Variants in ITGB5 observed in about 807,000 individuals in gnomAD.
The protein encoded by ITGB5 is integrin subunit beta 5, also known as integrin beta-5.
In ITGB5, 38 loss-of-function variants were observed where a neutral mutation model predicts 84.8. That is an observed-to-expected ratio of 0.45 (90% CI 0.35 to 0.59). ITGB5 has a LOEUF of 0.59. ITGB5 is among the 20% of genes least tolerant of loss of function. The pLI is 0.01. For missense variants in ITGB5, 905 were observed against 1,034.5 expected, an observed-to-expected ratio of 0.87 and a Z score of 1.72; for synonymous variants, 393 against 414.4, an observed-to-expected ratio of 0.95 and a Z score of 0.63.
intron 9 of ITGB5, among the ~76,000 whole-genome samples, chr3:124,801,780 G>A (rs188856333): frequency 5.1e-4 from 77 of 152,300 alleles, no homozygotes; most frequent in Non-Finnish European, 6.9e-4. Flanking sequence ...GGCCAGAATG[G>A]CCAGACCCCT....
chr3:124,806,600 AT>A (rs371932187), intron 9 of ITGB5, among the ~76,000 whole-genome samples: 3 of 150,066 alleles, frequency 2.0e-5, no homozygotes, highest in East Asian at 2.0e-4. Context: ...CTCCCAGCTA[AT>A]TTTTTTTTGT....
intron 12 of ITGB5, among the ~76,000 whole-genome samples, chr3:124,768,000 T>C (rs2063790799): frequency 6.6e-6 from 1 of 151,948 alleles, no homozygotes; most frequent in East Asian, 1.9e-4. Context: ...GCCCAGGAGG[T>C]CGAGACTTCC....
chr3:124,787,186 C>G (rs1291148285), intron 10 of ITGB5, among the ~76,000 whole-genome samples: 3 of 152,200 alleles, frequency 2.0e-5, no homozygotes, highest in South Asian at 4.1e-4. Context: ...TGTTGGCAAA[C>G]TTCTCTTCCT....
chr3:124,861,495 T>TACACACACACAC (rs1553766077), intron 2 of ITGB5, among the ~76,000 whole-genome samples: 1,536 of 111,896 alleles, frequency 0.014, 21 homozygotes, highest in African/African-American at 0.021. Flanking sequence ...TATATATATA[T>TACACACACACAC]ACACACACAC....
intron 5 of ITGB5, among the ~76,000 whole-genome samples, chr3:124,830,022 A>G (rs376510883): frequency 3.9e-5 from 6 of 152,336 alleles, no homozygotes; most frequent in African/African-American, 1.4e-4. Flanking sequence ...CCAGGAGTGA[A>G]GACAGACTCG....
chr3:124,881,115 C>G (rs897696645), intron 1 of ITGB5, among the ~76,000 whole-genome samples: 2 of 151,854 alleles, frequency 1.3e-5, no homozygotes, highest in Non-Finnish European at 2.9e-5. Context: ...TCCTGAGTAG[C>G]TGGGATTACA....
At chr3:124,842,862 G>A (rs1026993397) in intron 4 of ITGB5, among the ~76,000 whole-genome samples, 1 of 152,128 alleles carries the variant, frequency 6.6e-6, no homozygotes, top group Non-Finnish European at 1.5e-5. Context: ...TCTCTAAGGG[G>A]CTATTCCATT....
At chr3:124,870,551 AC>A (rs1933961187) in intron 2 of ITGB5, among the ~76,000 whole-genome samples, 1 of 152,110 alleles carries the variant, frequency 6.6e-6, no homozygotes, top group Admixed American at 6.6e-5. Context: ...AGACGGTGAA[AC>A]CCCGTCTCTA....
At chr3:124,828,841 T>C (rs968140169) in intron 5 of ITGB5, among the ~76,000 whole-genome samples, 29 of 152,240 alleles carry the variant, frequency 1.9e-4, no homozygotes, top group Non-Finnish European at 8.8e-5. Flanking sequence ...TGGGCTCAGG[T>C]ATCTGGCTAA....
At chr3:124,862,020 C>T (rs979797398) in intron 2 of ITGB5, 2 of 152,338 alleles carry the variant, frequency 1.3e-5, no homozygotes, top group African/African-American at 4.8e-5. Flanking sequence ...GGTCTGCTGT[C>T]TTGAGCTGTC....
chr3:124,820,550 G>A (rs777574481), intron 6 of ITGB5, among the ~76,000 whole-genome samples: 17 of 152,202 alleles, frequency 1.1e-4, no homozygotes, highest in Middle Eastern at 3.4e-3. Context: ...GGAAGGCTTG[G>A]GCACTGACCA....
intron 5 of ITGB5, among the ~76,000 whole-genome samples, chr3:124,830,404 CAG>C (rs2064843886): frequency 6.6e-6 from 1 of 152,206 alleles, no homozygotes. Flanking sequence ...ACATGTATAG[CAG>C]AGTTCATGGT....
intron 1 of ITGB5, among the ~76,000 whole-genome samples, chr3:124,874,514 C>T (rs2107641574): frequency 6.6e-6 from 1 of 152,132 alleles, no homozygotes; most frequent in South Asian, 2.1e-4. Flanking sequence ...TTTTATAAAA[C>T]CACAAAAGTT....
chr3:124,785,253 C>T (rs1167955023), intron 10 of ITGB5, among the ~76,000 whole-genome samples: 1 of 152,192 alleles, frequency 6.6e-6, no homozygotes, highest in East Asian at 1.9e-4. Flanking sequence ...AGATCATTCA[C>T]GTCAAGGGCG....
At chr3:124,770,621 G>A (rs901724537) in intron 11 of ITGB5, among the ~76,000 whole-genome samples, 7 of 152,140 alleles carry the variant, frequency 4.6e-5, no homozygotes, top group African/African-American at 1.7e-4. Context: ...TTTATTTTAC[G>A]GAGGAGAACT....
At chr3:124,808,905 T>C in intron 9 of ITGB5, 117 bp downstream of exon 9, 1 of 1,178,772 alleles carries the variant, frequency 8.5e-7, no homozygotes, top group South Asian at 1.5e-5. Context: ...GGATGCTGAA[T>C]TGGAAAACAG....
At chr3:124,868,138 G>C (rs1009326668) in intron 2 of ITGB5, among the ~76,000 whole-genome samples, 4 of 152,168 alleles carry the variant, frequency 2.6e-5, no homozygotes, top group Admixed American at 6.5e-5. Context: ...CACCACGGTT[G>C]TAAGTTTCCT....
Position 124,770,566 on chromosome 3 carries a change from G to A in ITGB5, c.1917-1453C>T, listed in dbSNP as rs192178436. On this transcript the variant is annotated intron_variant, in intron 11 of 14. Coordinates refer to ENST00000296181, the MANE Select transcript of ITGB5 (RefSeq NM_002213.5). ...CCAGTGCAGAAACTGCGAAGTGGAG[G>A]AGCAGAACTGGACGGGAGCTCTGAG... 2.5e-3 allele frequency among the ~76,000 whole-genome samples: 376 copies of A among 152,334 alleles called. 3 individuals carry two copies. The highest frequency in any genetic ancestry group is 8.2e-3 in the African/African-American group (343 of 41,576).
At chr3:124,889,811 G>A (rs907173864), upstream of ITGB5, among the ~76,000 whole-genome samples, 2 of 152,116 alleles carry the variant, frequency 1.3e-5, no homozygotes, top group African/African-American at 2.4e-5. Context: ...GCCAAAGTTC[G>A]AGATGAGCCT....
Sources: gnomAD v4.1 joint callset for allele counts (sites outside exome capture counted in the v4.1 genomes callset) on GRCh38, gnomAD v4.1.1 for gene constraint, MANE v1.5 for transcripts, NCBI Gene and HGNC (gene_info 2026-07-23, HGNC 2026-07-21) for gene names.